Variants in KDM5A observed in about 807,000 individuals in gnomAD.
The protein encoded by KDM5A is lysine demethylase 5A, also known as lysine-specific demethylase 5A.
In KDM5A, 42 loss-of-function variants were observed where a neutral mutation model predicts 193.5. The ratio of observed to expected loss-of-function variants is 0.22; its 90% confidence interval spans 0.17 to 0.28. KDM5A has a LOEUF of 0.28. Ranked by LOEUF, KDM5A falls within the 10% of genes least tolerant of loss-of-function variation. KDM5A has a pLI of 1.00. For missense variants in KDM5A, 1,692 were observed against 2,055.1 expected (o/e 0.82, Z 3.42); for synonymous variants, 796 against 718.1 (o/e 1.11, Z -1.73).
chr12:378,169 T>C (rs7132763), intron 3 of KDM5A, among the ~76,000 whole-genome samples: 94,612 of 151,966 alleles, frequency 0.62, 30,631 homozygotes, highest in Middle Eastern at 0.73. Flanking sequence ...CTTGGAAATA[T>C]GAAGATCAAA....
chr12:283,492 G>A lies in KDM5A; in HGVS notation c.*1964C>T, dbSNP rs1943180075. ...CAGTATTAAGAATGAATAAAAAGTA[G>A]GTAGTATGAACTTCAGAGAAAACAT... On this transcript the variant is annotated 3_prime_UTR_variant, in exon 28 of 28. Transcript: ENST00000399788. The A allele has an allele frequency of 4.3e-6, 1 of 232,800 alleles. No homozygotes were observed. Among genetic ancestry groups the A allele is most frequent in the Non-Finnish European group, 8.5e-6 (1 of 117,648 alleles). 14.4% of individuals were successfully genotyped at this position (232,800 alleles called of 1,614,324 possible). A position where few individuals can be genotyped will look rare whatever the true frequency, so the allele number is the denominator to read the frequency against.
chr12:293,296 G>C, intron 26 of KDM5A, 127 bp from the exon 27 acceptor site: 1 of 752,690 alleles, frequency 1.3e-6, no homozygotes, highest in Admixed American at 3.2e-5. Context: ...GGTTACCAGA[G>C]GCTGAAGGGA....
At chr12:320,879 T>G (rs1290875797) in intron 18 of KDM5A, 116 bp downstream of exon 18, 25 of 791,820 alleles carry the variant, frequency 3.2e-5, no homozygotes, top group Non-Finnish European at 5.4e-5. Flanking sequence ...AGCATATATG[T>G]GAGAGAAAAA....
At chr12:323,949 A>G (rs1943752955) in intron 14 of KDM5A, among the ~76,000 whole-genome samples, 168 bp from the exon 15 acceptor site, 1 of 152,176 alleles carries the variant, frequency 6.6e-6, no homozygotes, top group Non-Finnish European at 1.5e-5. Flanking sequence ...TCATTGCTAA[A>G]TTTTTTTCAA....
intron 3 of KDM5A, among the ~76,000 whole-genome samples, chr12:370,394 AAAAT>A (rs1215007139): frequency 1.3e-5 from 2 of 152,232 alleles, no homozygotes; most frequent in African/African-American, 4.8e-5. Context: ...CTCTGTCTCA[AAAAT>A]AAATAAAAAT....
intron 19 of KDM5A, among the ~76,000 whole-genome samples, chr12:316,361 T>C (rs903003390): frequency 3.3e-5 from 5 of 152,224 alleles, no homozygotes; most frequent in Admixed American, 6.5e-5. Context: ...ACTGTCTACA[T>C]AGCATTTAGA....
intron 10 of KDM5A, among the ~76,000 whole-genome samples, chr12:340,292 T>G (rs181210894): frequency 3.4e-4 from 52 of 152,254 alleles, no homozygotes; most frequent in Middle Eastern, 6.8e-3. Flanking sequence ...GGCAACAACC[T>G]GTGAGTGAGC....
Position 378,913 on chromosome 12 carries a change from C to T in KDM5A, c.366+5118G>A, listed in dbSNP as rs1488705851. Among the ~76,000 whole-genome samples the T allele has an allele frequency of 5.4e-5, 8 of 147,072 alleles. No individual in the cohort carries two copies. The East Asian group carries it at 8.0e-4, about 15-fold the overall frequency. ...GGCGGAGCTTAGAGTGAGCCAAAAT[C>T]GTGCTGCTGCACTCCAGCCTGGGTG... On this transcript the variant is annotated intron_variant, in intron 3 of 27. Coordinates refer to ENST00000399788, the MANE Select transcript of KDM5A (RefSeq NM_001042603.3).
intron 27 of KDM5A, 146 bp downstream of exon 27, chr12:292,613 C>G: frequency 1.0e-6 from 1 of 979,102 alleles, no homozygotes; most frequent in East Asian, 2.5e-5. Context: ...TTATTCAAAA[C>G]AGTTTATAGA....
intron 8 of KDM5A, among the ~76,000 whole-genome samples, chr12:352,604 G>A (rs562570472): frequency 6.6e-6 from 1 of 152,160 alleles, no homozygotes; most frequent in Non-Finnish European, 1.5e-5. Flanking sequence ...GCATCTAAAG[G>A]ACTACTGACT....
Position 318,446 on chromosome 12 carries a change from C to T in KDM5A, c.2557G>A (p.Val853Met). Residue 853 changes from valine to methionine, a missense_variant, in exon 19 of 28, where the codon GTG becomes ATG. Transcript: ENST00000399788. Reference protein sequence around the residue: ...ARQVKNLLDDVEEFHERAQEA... With the variant: ...ARQVKNLLDDMEEFHERAQEA... ...TGAGCACGTTCATGAAACTCTTCCACATCATCTAGCAGATTCTGAAAAGGT... is the reference window on the plus strand; with the variant it reads ...TGAGCACGTTCATGAAACTCTTCCATATCATCTAGCAGATTCTGAAAAGGT... 4 of 1,612,370 alleles carry T rather than the reference C, an allele frequency of 2.5e-6. No individual in the cohort carries two copies. The highest frequency in any genetic ancestry group is 1.1e-5 in the South Asian group (1 of 91,034).
At position 299,044 on chromosome 12, in the gene KDM5A, G is replaced by A. The variant is rs1456414539; in HGVS notation, c.4075-1844C>T. 2.0e-5 allele frequency among the ~76,000 whole-genome samples: 3 copies of A among 152,100 alleles called. No individual in the cohort carries two copies. In the East Asian group the frequency reaches 5.8e-4, roughly 29 times the overall value. ...CGAAAAAAGCCTCCAATGCATATGG[G>A]ACTACGTGAAAAGACCAAATCTACA... On this transcript the variant is annotated intron_variant, in intron 24 of 27. Transcript: ENST00000399788.
chr12:362,781 T>G (rs372741193), intron 5 of KDM5A, among the ~76,000 whole-genome samples, 182 bp downstream of exon 5: 3 of 152,168 alleles, frequency 2.0e-5, no homozygotes, highest in Non-Finnish European at 4.4e-5. Flanking sequence ...ACACAGTTCA[T>G]GCATTTAAAA....
intron 10 of KDM5A, among the ~76,000 whole-genome samples, chr12:348,298 G>T (rs1485864445): frequency 1.3e-5 from 2 of 152,150 alleles, no homozygotes; most frequent in South Asian, 2.1e-4. Context: ...TAGGAACACT[G>T]TTACACTGTT....
At chr12:381,645 C>A (rs1028725907) in intron 3 of KDM5A, among the ~76,000 whole-genome samples, 1 of 152,094 alleles carries the variant, frequency 6.6e-6, no homozygotes, top group African/African-American at 2.4e-5. Flanking sequence ...CTATACTAGA[C>A]AATTCTTGAC....
chr12:352,451 A>T, intron 8 of KDM5A, 127 bp from the exon 9 acceptor site: 1 of 813,160 alleles, frequency 1.2e-6, no homozygotes, highest in Middle Eastern at 3.5e-4. Context: ...CTAGACAACA[A>T]AACAAATATC....
chr12:319,563 G>A (rs562037807), intron 18 of KDM5A, among the ~76,000 whole-genome samples: 7 of 152,076 alleles, frequency 4.6e-5, no homozygotes, highest in Admixed American at 4.6e-4. Flanking sequence ...ACCAGCCTGG[G>A]CAAAATGGCA....
At chr12:371,499 A>G (rs891207915) in intron 3 of KDM5A, among the ~76,000 whole-genome samples, 2 of 151,884 alleles carry the variant, frequency 1.3e-5, no homozygotes, top group East Asian at 1.9e-4. Flanking sequence ...TAGATTCTGG[A>G]TATTAGCCCT....
At chr12:368,677 A>T (rs1486593993) in intron 3 of KDM5A, among the ~76,000 whole-genome samples, 2 of 152,302 alleles carry the variant, frequency 1.3e-5, no homozygotes, top group African/African-American at 4.8e-5. Flanking sequence ...GGTTGCAGTG[A>T]GCCAGATTGC....
Sources: gnomAD v4.1 joint callset for allele counts (sites outside exome capture counted in the v4.1 genomes callset) on GRCh38, gnomAD v4.1.1 for gene constraint, MANE v1.5 for transcripts, NCBI Gene and HGNC (gene_info 2026-07-23, HGNC 2026-07-21) for gene names.